CAST: variants seen among roughly 807,000 people sequenced by gnomAD.
CAST encodes the protein calpastatin.
CAST carries 76 observed loss-of-function variants against 119.6 expected under a neutral mutation model. The observed-to-expected ratio is 0.64, with a 90% CI of 0.53 to 0.77. CAST has a LOEUF of 0.77. Among genes scored for constraint, CAST ranks in the 30% least tolerant of loss-of-function variants. The pLI is 0.00. For synonymous variants in CAST, 319 were observed against 331.6 expected, an observed-to-expected ratio of 0.96 and a Z score of 0.41; for missense variants, 953 against 946.5, an observed-to-expected ratio of 1.01 and a Z score of -0.09.
the CAST span, among the ~76,000 whole-genome samples, chr5:96,303,250 A>G: frequency 6.6e-6 from 1 of 152,156 alleles, no homozygotes; most frequent in Admixed American, 6.6e-5. Context: ...AACAAGGCAT[A>G]AGTCTGCCCC....
At chr5:96,015,226 A>G in the CAST span, among the ~76,000 whole-genome samples, 1 of 152,186 alleles carries the variant, frequency 6.6e-6, no homozygotes, top group Admixed American at 6.5e-5. Flanking sequence ...TTTTCCTAAA[A>G]TGTCCTATGT....
At chr5:96,250,421 A>G in the CAST span, among the ~76,000 whole-genome samples, 1 of 152,080 alleles carries the variant, frequency 6.6e-6, no homozygotes, top group Admixed American at 6.5e-5. Context: ...TTGTCACTCC[A>G]GTTGTTGTGT....
At chr5:96,381,780 G>A in the CAST span, among the ~76,000 whole-genome samples, 2 of 152,098 alleles carry the variant, frequency 1.3e-5, no homozygotes, top group Non-Finnish European at 2.9e-5. Flanking sequence ...GCTTCCTTGT[G>A]GTTAATACAT....
the CAST span, among the ~76,000 whole-genome samples, chr5:96,144,755 G>T: frequency 4.0e-5 from 6 of 151,638 alleles, no homozygotes; most frequent in Non-Finnish European, 8.8e-5. Context: ...ACAACCTCTG[G>T]GTTCAAGTGA....
chr5:96,732,967 G>T (rs1760869306), intron 9 of CAST, among the ~76,000 whole-genome samples: 1 of 152,170 alleles, frequency 6.6e-6, no homozygotes. Flanking sequence ...AAATGGGACA[G>T]ATATCCTGCT....
At chr5:96,496,036 T>A in the CAST span, among the ~76,000 whole-genome samples, 1 of 152,164 alleles carries the variant, frequency 6.6e-6, no homozygotes. Flanking sequence ...AATATTTTCA[T>A]ATGTGATAAA....
chr5:96,702,799 C>G (rs1051837167), intron 3 of CAST: 2 of 985,364 alleles, frequency 2.0e-6, no homozygotes, highest in African/African-American at 3.5e-5. Flanking sequence ...CCCGCCCCGT[C>G]GCACTCAGAG....
chr5:96,308,388 T>C, the CAST span, among the ~76,000 whole-genome samples: 1 of 152,054 alleles, frequency 6.6e-6, no homozygotes, highest in Non-Finnish European at 1.5e-5. Flanking sequence ...CTTCCTTGCA[T>C]TGGGTTAGAA....
upstream of CAST, among the ~76,000 whole-genome samples, chr5:96,658,036 T>G (rs567391601): frequency 6.6e-6 from 1 of 151,980 alleles, no homozygotes; most frequent in Non-Finnish European, 1.5e-5. Flanking sequence ...GAGGTGGAGG[T>G]TGCGGTGAGC....
At chr5:96,605,702 G>A (rs994730816) in intron 1 of CAST, among the ~76,000 whole-genome samples, 6 of 152,178 alleles carry the variant, frequency 3.9e-5, no homozygotes, top group African/African-American at 1.4e-4. Context: ...TGAGAGTTTT[G>A]TGAGTTGAGC....
At chr5:96,054,795 C>T in the CAST span, among the ~76,000 whole-genome samples, 4 of 151,974 alleles carry the variant, frequency 2.6e-5, no homozygotes, top group African/African-American at 7.3e-5. Context: ...AAACCTGAAC[C>T]GTCTTGGAGC....
intron 2 of CAST, among the ~76,000 whole-genome samples, chr5:96,694,484 A>G (rs1296099443): frequency 6.6e-6 from 1 of 152,172 alleles, no homozygotes; most frequent in Non-Finnish European, 1.5e-5. Flanking sequence ...ACAAAAAATT[A>G]GCTGGGCGTG....
chr5:96,426,003 A>G, the CAST span: 2 of 830,384 alleles, frequency 2.4e-6, no homozygotes, highest in African/African-American at 1.7e-5. Flanking sequence ...AACTATCTCC[A>G]GTACCCTTCC....
At chr5:96,694,097 T>A (rs1423011354) in intron 2 of CAST, among the ~76,000 whole-genome samples, 1 of 152,164 alleles carries the variant, frequency 6.6e-6, no homozygotes, top group African/African-American at 2.4e-5. Flanking sequence ...CAGTTCAAAC[T>A]TCCATGGCAT....
chr5:96,356,488 C>T, the CAST span, among the ~76,000 whole-genome samples: 1 of 152,082 alleles, frequency 6.6e-6, no homozygotes, highest in African/African-American at 2.4e-5. Context: ...AGTCTTTAAT[C>T]CATCTTGAGT....
the CAST span, among the ~76,000 whole-genome samples, chr5:96,336,473 C>T: frequency 6.6e-6 from 1 of 152,176 alleles, no homozygotes; most frequent in African/African-American, 2.4e-5. Context: ...TTTGTGTGCC[C>T]TGTTTGATTG....
intron 3 of CAST, chr5:96,696,308 C>T (rs953303246): frequency 1.3e-5 from 2 of 153,446 alleles, no homozygotes; most frequent in African/African-American, 4.8e-5. Context: ...ATCACGTAAT[C>T]CCCTCACAAT....
the CAST span, chr5:95,970,437 A>G: frequency 1.3e-5 from 2 of 152,250 alleles, no homozygotes; most frequent in Non-Finnish European, 2.9e-5. Context: ...AGCTTAAATG[A>G]TAATTTGCAA....
At chr5:96,290,569 A>G in the CAST span, among the ~76,000 whole-genome samples, 1 of 152,324 alleles carries the variant, frequency 6.6e-6, no homozygotes, top group South Asian at 2.1e-4. Context: ...AGCTTCCCCT[A>G]TGCATCTGAT....
Sources: gnomAD v4.1 joint callset for allele counts (sites outside exome capture counted in the v4.1 genomes callset) on GRCh38, gnomAD v4.1.1 for gene constraint, MANE v1.5 for transcripts, NCBI Gene and HGNC (gene_info 2026-07-23, HGNC 2026-07-21) for gene names.